Variants in OTOGL observed in about 807,000 individuals in gnomAD.
OTOGL encodes the protein otogelin-like protein.
In OTOGL, 285 loss-of-function variants were observed where a neutral mutation model predicts 318.5. That is an observed-to-expected ratio of 0.89 (90% CI 0.81 to 0.99). OTOGL has a LOEUF of 0.99. OTOGL is among the 50% of genes least tolerant of loss of function. OTOGL has a pLI of 0.00. For synonymous variants in OTOGL, 987 were observed against 936.5 expected, an observed-to-expected ratio of 1.05 and a Z score of -0.99; for missense variants, 2,899 against 2,845.6, an observed-to-expected ratio of 1.02 and a Z score of -0.43.
intron 1 of OTOGL, among the ~76,000 whole-genome samples, chr12:80,106,573 G>A (rs1869467177): frequency 6.6e-6 from 1 of 152,130 alleles, no homozygotes; most frequent in Non-Finnish European, 1.5e-5. Context: ...TATTATAACA[G>A]GAGTTGAAGA....
chr12:80,313,430 A>G, intron 30 of OTOGL, 46 bp from the exon 31 acceptor site: 1 of 1,519,092 alleles, frequency 6.6e-7, no homozygotes, highest in Non-Finnish European at 9.1e-7. Context: ...TTTAAATCAT[A>G]ATCAGTATCT....
intron 1 of OTOGL, among the ~76,000 whole-genome samples, chr12:80,183,026 A>T (rs1875036854): frequency 6.6e-6 from 1 of 152,204 alleles, no homozygotes; most frequent in African/African-American, 2.4e-5. Context: ...AAATGTTTAT[A>T]TCAATAATTA....
At chr12:80,336,168 CTT>C (rs200450365) in intron 39 of OTOGL, 28 bp downstream of exon 39, 34,681 of 1,262,538 alleles carry the variant, frequency 0.027, no homozygotes, top group South Asian at 0.051. Flanking sequence ...AAGCGGTGAT[CTT>C]TTTTTTTTTT....
At chr12:80,225,011 A>G (rs1013478916) in intron 7 of OTOGL, among the ~76,000 whole-genome samples, 36 of 152,032 alleles carry the variant, frequency 2.4e-4, no homozygotes, top group Admixed American at 2.4e-3. Context: ...TGTACCCCAT[A>G]TATATATGTA....
chr12:80,101,311 G>A (rs1869122811), intron 1 of OTOGL, among the ~76,000 whole-genome samples: 4 of 152,130 alleles, frequency 2.6e-5, no homozygotes, highest in Admixed American at 2.6e-4. Flanking sequence ...TAAGTGGGTG[G>A]AATATGTATC....
At chr12:80,135,890 T>C (rs992973159) in intron 1 of OTOGL, among the ~76,000 whole-genome samples, 1 of 152,192 alleles carries the variant, frequency 6.6e-6, no homozygotes, top group African/African-American at 2.4e-5. Flanking sequence ...GAGAGAATTC[T>C]CCTGCCTGAT....
intron 1 of OTOGL, among the ~76,000 whole-genome samples, chr12:80,181,920 T>A (rs962892886): frequency 6.6e-6 from 1 of 152,062 alleles, no homozygotes; most frequent in East Asian, 1.9e-4. Flanking sequence ...TCCTAGCACT[T>A]TGGGAGGCTG....
chr12:80,194,839 A>G (rs1482196452), intron 1 of OTOGL, among the ~76,000 whole-genome samples: 1 of 152,178 alleles, frequency 6.6e-6, no homozygotes, highest in Non-Finnish European at 1.5e-5. Flanking sequence ...TAAATACCAA[A>G]CTGGAAACAT....
Position 80,323,656 on chromosome 12 carries a change from A to G in OTOGL, c.4082-67A>G, listed in dbSNP as rs1455143713. 3 of 1,227,636 alleles carry G rather than the reference A, an allele frequency of 2.4e-6. No individual in the cohort carries two copies. In the African/African-American group the frequency reaches 4.5e-5, roughly 18 times the overall value. 76.0% of individuals were successfully genotyped at this position (1,227,636 alleles called of 1,614,324 possible). A position where few individuals can be genotyped will look rare whatever the true frequency, so the allele number is the denominator to read the frequency against. On this transcript the variant is annotated intron_variant, in intron 34 of 58. Transcript: ENST00000547103. ...AGAGCGAGACTGTCTCAAGAAAGAA[A>G]AGGGAATTGTTAGTTTTCAAGCTAT...
At chr12:80,297,663 A>G (rs1885500753) in intron 27 of OTOGL, among the ~76,000 whole-genome samples, 1 of 152,050 alleles carries the variant, frequency 6.6e-6, no homozygotes, top group Admixed American at 6.6e-5. Context: ...TGGAAATCTA[A>G]TATGTCACTC....
chr12:80,304,339 T>G (rs1448158516), intron 28 of OTOGL, among the ~76,000 whole-genome samples: 1 of 152,160 alleles, frequency 6.6e-6, no homozygotes, highest in Non-Finnish European at 1.5e-5. Flanking sequence ...ATTTAAAATT[T>G]GATTATTTTG....
intron 1 of OTOGL, among the ~76,000 whole-genome samples, chr12:80,115,207 T>G (rs1218766897): frequency 6.6e-6 from 1 of 152,136 alleles, no homozygotes. Context: ...CTTTTTGCCC[T>G]GGTTTTTCCT....
intron 26 of OTOGL, among the ~76,000 whole-genome samples, chr12:80,289,288 G>A (rs968348847): frequency 9.9e-5 from 15 of 152,192 alleles, no homozygotes; most frequent in African/African-American, 2.6e-4. Context: ...AGAGGGGCAC[G>A]CATCTGATGC....
Position 80,265,000 on chromosome 12 carries a change from G to A in OTOGL, c.2015-1G>A, listed in dbSNP as rs187964362. On this transcript the variant is annotated splice_acceptor_variant, in intron 19 of 58. Coordinates refer to ENST00000547103, the MANE Select transcript of OTOGL (RefSeq NM_001378609.3). LOFTEE classifies it high-confidence loss of function. ...AAGATGCTAATTGGGCTCTTTGTTA[G>A]TTGGGTATGCAGCACACTGTGATGT... The A allele has an allele frequency of 1.2e-6, 2 of 1,613,700 alleles. No individual in the cohort carries two copies. Among genetic ancestry groups the A allele is most frequent in the African/African-American group, 1.3e-5 (1 of 75,050 alleles).
chr12:80,255,319 A>T (rs1030894309), intron 16 of OTOGL, 134 bp downstream of exon 16: 1 of 891,778 alleles, frequency 1.1e-6, no homozygotes, highest in Admixed American at 4.0e-5. Flanking sequence ...GATTATTAAG[A>T]TACATCATTA....
At chr12:80,308,774 G>A (rs1886418359) in intron 29 of OTOGL, among the ~76,000 whole-genome samples, 2 of 152,206 alleles carry the variant, frequency 1.3e-5, no homozygotes, top group South Asian at 4.1e-4. Flanking sequence ...AGACCAGCCC[G>A]GCCAACACAG....
At position 80,108,953 on chromosome 12, in the gene OTOGL, TAC is replaced by T. The variant is rs1290126061; in HGVS notation, c.-20+9358_-20+9359del. Among the ~76,000 whole-genome samples, 196 of 142,716 alleles carry T rather than the reference TAC, an allele frequency of 1.4e-3. 2 individuals carry two copies. The highest frequency in any genetic ancestry group is 4.6e-3 in the African/African-American group (175 of 38,246). The allele number at this position is 142,716 out of a possible 152,430, so 93.6% of individuals were successfully genotyped here. A position where few individuals can be genotyped will look rare whatever the true frequency, so the allele number is the denominator to read the frequency against. ...ATGTGTGTGTATATATATATATATA[TAC>T]ACACACACATATATAATTTACGGTT... On this transcript the variant is annotated intron_variant, in intron 1 of 58. Transcript: ENST00000547103.
In OTOGL at chr12:80,331,289, A is replaced by G. The variant is rs548189375; in HGVS notation, c.4349-1716A>G. On this transcript the variant is annotated intron_variant, in intron 37 of 58. Transcript: ENST00000547103. The stretch of plus-strand genomic sequence containing the variant: ...GTTTATAAGCCTTTGATGATTTTAG[A>G]TAACAGTGAACTGTTAAGACCACTG... Among the ~76,000 whole-genome samples the G allele has an allele frequency of 2.0e-5, 3 of 151,638 alleles. No homozygotes were observed. In the South Asian group the frequency reaches 6.3e-4, roughly 32 times the overall value.
At chr12:80,167,908 ACTTTT>A (rs1873928856) in intron 1 of OTOGL, among the ~76,000 whole-genome samples, 1 of 151,526 alleles carries the variant, frequency 6.6e-6, no homozygotes, top group Non-Finnish European at 1.5e-5. Flanking sequence ...TCCTTTACAA[ACTTTT>A]CTTTTCTCTT....
Sources: gnomAD v4.1 joint callset for allele counts (sites outside exome capture counted in the v4.1 genomes callset) on GRCh38, gnomAD v4.1.1 for gene constraint, MANE v1.5 for transcripts, NCBI Gene and HGNC (gene_info 2026-07-23, HGNC 2026-07-21) for gene names.